The following CDKL3 variants were observed in gnomAD, a reference collection of about 807,000 sequenced individuals.
CDKL3 encodes cyclin-dependent kinase-like 3.
CDKL3 carries 65 observed loss-of-function variants against 69.3 expected under a neutral mutation model. The observed-to-expected ratio is 0.94, with a 90% confidence interval of 0.77 to 1.15. The LOEUF (loss-of-function observed/expected upper bound fraction) is 1.15, where lower values mean the gene tolerates loss of function less well. CDKL3 is among the 50% of genes most tolerant of loss of function. The pLI is 0.00. For missense variants in CDKL3, 652 were observed against 689.2 expected, an observed-to-expected ratio of 0.95 and a Z score of 0.61; for synonymous variants, 202 against 221.6, an observed-to-expected ratio of 0.91 and a Z score of 0.79.
intron 11 of CDKL3, 24 bp downstream of exon 11, chr5:134,304,381 T>C: frequency 6.4e-7 from 1 of 1,559,320 alleles, no homozygotes; most frequent in Non-Finnish European, 8.7e-7. Context: ...ATCATAATTG[T>C]AAAGCTATGC....
At chr5:134,354,674 C>T (rs1477723092) in intron 3 of CDKL3, among the ~76,000 whole-genome samples, 1 of 152,144 alleles carries the variant, frequency 6.6e-6, no homozygotes, top group Non-Finnish European at 1.5e-5. Context: ...AGGAGCCGGG[C>T]GCGGTGGCTC....
upstream of CDKL3, among the ~76,000 whole-genome samples, chr5:134,369,468 A>G (rs1459622274): frequency 6.6e-6 from 1 of 152,202 alleles, no homozygotes; most frequent in African/African-American, 2.4e-5. Flanking sequence ...AATCTTGCCC[A>G]TAGTTCCATG....
At chr5:134,365,021 C>T (rs1757075476) in intron 2 of CDKL3, among the ~76,000 whole-genome samples, 4 of 148,702 alleles carry the variant, frequency 2.7e-5, no homozygotes, top group African/African-American at 9.9e-5. Context: ...CTTGCTCTGT[C>T]GCCCAGGCTG....
chr5:134,370,588 C>CT (rs981021067), upstream of CDKL3, among the ~76,000 whole-genome samples: 130 of 152,330 alleles, frequency 8.5e-4, no homozygotes, highest in African/African-American at 2.8e-3. Flanking sequence ...TCCCCGGACT[C>CT]TGACACATAT....
At chr5:134,284,795 T>C (rs1429719182), downstream of CDKL3, among the ~76,000 whole-genome samples, 1 of 152,236 alleles carries the variant, frequency 6.6e-6, no homozygotes, top group African/African-American at 2.4e-5. Context: ...GAAATATGAC[T>C]CTGTTCTGCC....
At chr5:134,312,646 G>A (rs564105113) in intron 6 of CDKL3, among the ~76,000 whole-genome samples, 2 of 152,324 alleles carry the variant, frequency 1.3e-5, no homozygotes, top group South Asian at 4.1e-4. Flanking sequence ...GCTGAAATTA[G>A]CAAAAATTAA....
intron 8 of CDKL3, among the ~76,000 whole-genome samples, chr5:134,293,002 C>CTTTTTT (rs558156596): frequency 0.011 from 493 of 43,984 alleles, 54 homozygotes; most frequent in Non-Finnish European, 0.015. Flanking sequence ...CTGCCAATTT[C>CTTTTTT]TTTTTTTTTT....
chr5:134,297,890 TTGTGTGTGTGTGTGTGTGTGTG>T (rs528154005), downstream of CDKL3, among the ~76,000 whole-genome samples: 111 of 105,194 alleles, frequency 1.1e-3, no homozygotes, highest in African/African-American at 2.9e-3. Flanking sequence ...CATGAATAGT[TTGTGTGTGTGTGTGTGTGTGTG>T]TGTGTGTGTG....
rs545634134 is a variant in CDKL3, at chr5:134,314,357, G to A, written c.793-1977C>T. ...AAATATATGCCCTACTTTGGAAAAT[G>A]TAAAACATGACACTTTGGGAAACAG... On this transcript the variant is annotated intron_variant, in intron 6 of 12. Coordinates refer to ENST00000265334, the MANE Select transcript of CDKL3 (RefSeq NM_001113575.2). 2.6e-5 allele frequency among the ~76,000 whole-genome samples: 4 copies of A among 152,232 alleles called. No homozygotes were observed. The East Asian group carries it at 7.7e-4, about 29-fold the overall frequency.
At chr5:134,327,468 T>A (rs1774683828) in intron 4 of CDKL3, among the ~76,000 whole-genome samples, 1 of 152,144 alleles carries the variant, frequency 6.6e-6, no homozygotes, top group South Asian at 2.1e-4. Flanking sequence ...TGGCTCCTAA[T>A]CCCTTTCAAA....
intron 6 of CDKL3, 39 bp from the exon 7 acceptor site, chr5:134,312,419 C>A: frequency 1.8e-6 from 2 of 1,087,532 alleles, no homozygotes; most frequent in South Asian, 1.5e-5. Flanking sequence ...GAGCTCTCAA[C>A]AGGGCTCCAT....
chr5:134,325,927 C>CTTTTTT (rs10706943), intron 4 of CDKL3, among the ~76,000 whole-genome samples: 4 of 82,866 alleles, frequency 4.8e-5, no homozygotes, highest in East Asian at 3.7e-4. Context: ...CCACGCCTGG[C>CTTTTTT]TTTTTTTTTT....
chr5:134,318,100 T>A (rs1561540690), intron 6 of CDKL3, among the ~76,000 whole-genome samples: 1 of 151,696 alleles, frequency 6.6e-6, no homozygotes, highest in Non-Finnish European at 1.5e-5. Context: ...ATGCATGTAA[T>A]CCCAGCTACT....
At chr5:134,297,153 T>C (rs1458051811), downstream of CDKL3, among the ~76,000 whole-genome samples, 1 of 152,026 alleles carries the variant, frequency 6.6e-6, no homozygotes, top group African/African-American at 2.4e-5. Flanking sequence ...GGTTTTGCCA[T>C]GTTGGTCAGG....
chr5:134,323,534 A>G (rs1386620254), intron 4 of CDKL3, among the ~76,000 whole-genome samples: 1 of 152,246 alleles, frequency 6.6e-6, no homozygotes, highest in Non-Finnish European at 1.5e-5. Flanking sequence ...GATCAAGGGA[A>G]CAGAATAAAG....
Position 134,338,348 on chromosome 5 carries a change from T to C in CDKL3, c.539+11901A>G, listed in dbSNP as rs1266188331. On this transcript the variant is annotated intron_variant, in intron 4 of 12. Transcript: ENST00000265334. ...CTTATCAGTTGATTCTGATAAGGTG[T>C]AAACCTTAGAGCAACCACTAAAAAG... Among the ~76,000 whole-genome samples the C allele has an allele frequency of 7.9e-5, 12 of 152,096 alleles. No homozygotes were observed. In the East Asian group the frequency reaches 1.7e-3, roughly 22 times the overall value.
At chr5:134,283,955 A>G (rs1336657645), downstream of CDKL3, among the ~76,000 whole-genome samples, 1 of 152,182 alleles carries the variant, frequency 6.6e-6, no homozygotes, top group Non-Finnish European at 1.5e-5. Flanking sequence ...TGGAGCAGTC[A>G]ATTATTAAAG....
At chr5:134,306,164 A>T (rs17167441) in intron 10 of CDKL3, among the ~76,000 whole-genome samples, 23,567 of 152,010 alleles carry the variant, frequency 0.16, 2,355 homozygotes, top group African/African-American at 0.28. Context: ...CCTATTTTCA[A>T]CTCAGGAAGA....
chr5:134,360,668 A>G (rs566625834), intron 2 of CDKL3, among the ~76,000 whole-genome samples: 2 of 152,322 alleles, frequency 1.3e-5, no homozygotes, highest in African/African-American at 4.8e-5. Flanking sequence ...TTAATGTACT[A>G]TAACTTAGTA....
Sources: allele counts gnomAD v4.1 joint callset (sites outside exome capture counted in the v4.1 genomes callset), GRCh38; gene constraint gnomAD v4.1.1; transcripts MANE v1.5; gene names NCBI Gene and HGNC (gene_info 2026-07-23, HGNC 2026-07-21).